Variants in OTUD7A observed in about 807,000 individuals in gnomAD.
OTUD7A encodes OTU domain-containing protein 7A.
Under a neutral mutation model 65.7 loss-of-function variants are expected in OTUD7A, and 12 were observed. The ratio of observed to expected loss-of-function variants is 0.18; its 90% CI spans 0.12 to 0.30. OTUD7A has a LOEUF of 0.30. Among genes scored for constraint, OTUD7A ranks in the 10% least tolerant of loss-of-function variants. The pLI is 1.00. For synonymous variants in OTUD7A, 641 were observed against 586.3 expected (o/e 1.09, Z -1.35); for missense variants, 1,148 against 1,304.8 (o/e 0.88, Z 1.85).
intron 1 of OTUD7A, among the ~76,000 whole-genome samples, chr15:31,683,595 A>T (rs891855167): frequency 6.6e-6 from 1 of 152,240 alleles, no homozygotes; most frequent in Non-Finnish European, 1.5e-5. Flanking sequence ...CCTGGCACAT[A>T]GCAAGTACCA....
At position 31,482,897 on chromosome 15, in the gene OTUD7A, T is replaced by C. The variant is rs1367867162; in HGVS notation, c.*397A>G. The C allele has an allele frequency of 6.7e-6, 1 of 148,928 alleles. No individual in the cohort carries two copies. Among genetic ancestry groups the C allele is most frequent in the Non-Finnish European group, 1.5e-5 (1 of 67,466 alleles). The allele number at this position is 148,928 out of a possible 1,614,324, so 9.2% of individuals were successfully genotyped here. On this transcript the variant is annotated 3_prime_UTR_variant, in exon 13 of 13. Transcript: ENST00000307050. ...CAACCGCGCACAAGGGACCGCTACC[T>C]GGAAGAGGTCATCGCTAGGGTAGGA...
At chr15:31,662,732 T>C (rs1213259701) in intron 1 of OTUD7A, among the ~76,000 whole-genome samples, 1 of 152,236 alleles carries the variant, frequency 6.6e-6, no homozygotes, top group African/African-American at 2.4e-5. Context: ...AGCTAAGAAA[T>C]ATGTTTGTTT....
chr15:31,611,327 GAAACAAAC>G (rs924438812), intron 3 of OTUD7A, among the ~76,000 whole-genome samples: 3 of 152,078 alleles, frequency 2.0e-5, no homozygotes, highest in African/African-American at 7.2e-5. Context: ...AAATGAAGCT[GAAACAAAC>G]AAACAAACAA....
intron 4 of OTUD7A, among the ~76,000 whole-genome samples, chr15:31,563,584 A>C (rs924853491): frequency 6.6e-6 from 1 of 152,120 alleles, no homozygotes; most frequent in Non-Finnish European, 1.5e-5. Context: ...TGCCTTCCCT[A>C]TCATCCCCTA....
Position 31,621,653 on chromosome 15 carries a change from T to G in OTUD7A, c.151+33443A>C, listed in dbSNP as rs1054650758. ...CTCCATCCCTTTATTTTGAGCCTAT[T>G]TGTGTCTCTGCATGTGAGATGGATT... On this transcript the variant is annotated intron_variant, in intron 3 of 12. Transcript: ENST00000307050. 5.3e-5 allele frequency among the ~76,000 whole-genome samples: 8 copies of G among 152,228 alleles called. No individual in the cohort carries two copies. In the East Asian group the frequency reaches 1.2e-3, roughly 22 times the overall value.
chr15:31,682,893 A>G (rs34872898), intron 1 of OTUD7A, among the ~76,000 whole-genome samples: 2 of 152,194 alleles, frequency 1.3e-5, no homozygotes, highest in Non-Finnish European at 2.9e-5. Context: ...GCATGTGTGT[A>G]TGAATGTATG....
chr15:31,800,799 A>AC (rs1473225592), intron 1 of OTUD7A, among the ~76,000 whole-genome samples: 3 of 151,748 alleles, frequency 2.0e-5, no homozygotes, highest in African/African-American at 7.3e-5. Context: ...TTATTCTAAG[A>AC]CCCCTCATAG....
intron 3 of OTUD7A, among the ~76,000 whole-genome samples, chr15:31,578,783 C>T (rs1335839095): frequency 1.3e-5 from 2 of 152,162 alleles, no homozygotes; most frequent in East Asian, 3.8e-4. Context: ...AACTCCTGAC[C>T]TCAGGTGATC....
chr15:31,853,653 C>A (rs1897487434), intron 1 of OTUD7A, among the ~76,000 whole-genome samples: 1 of 151,882 alleles, frequency 6.6e-6, no homozygotes, highest in Non-Finnish European at 1.5e-5. Context: ...AGAAAGGCAG[C>A]AAATGTATGA....
intron 3 of OTUD7A, among the ~76,000 whole-genome samples, chr15:31,583,079 A>G (rs974480400): frequency 6.6e-6 from 1 of 152,224 alleles, no homozygotes; most frequent in Non-Finnish European, 1.5e-5. Context: ...TTGGCAAAAT[A>G]AAGCAACAGC....
At chr15:31,831,834 G>A (rs1017650018) in intron 1 of OTUD7A, among the ~76,000 whole-genome samples, 7 of 152,348 alleles carry the variant, frequency 4.6e-5, no homozygotes, top group South Asian at 4.1e-4. Flanking sequence ...ATAAAGCAGC[G>A]GCACAGATGG....
intron 1 of OTUD7A, among the ~76,000 whole-genome samples, chr15:31,755,484 G>A (rs1190748362): frequency 2.6e-5 from 4 of 152,126 alleles, no homozygotes; most frequent in South Asian, 4.2e-4. Context: ...CACTTTGGGA[G>A]GCCGAGGTGG....
intron 1 of OTUD7A, among the ~76,000 whole-genome samples, chr15:31,666,451 T>C (rs1892323279): frequency 6.6e-6 from 1 of 152,096 alleles, no homozygotes; most frequent in Middle Eastern, 3.2e-3. Flanking sequence ...ATTTCTGTGG[T>C]GTCACATCTT....
rs1374631600 is a variant in OTUD7A at position 31,717,634 on chromosome 15, C to A, written c.-99-60557G>T. ...ATGTGCCACATTTTCTTTATCCAAT[C>A]TATCACTGATAGGCATTTGGGTTGG... On this transcript the variant is annotated intron_variant, in intron 1 of 12. Transcript: ENST00000307050. 2.0e-5 allele frequency among the ~76,000 whole-genome samples: 3 copies of A among 152,300 alleles called. No individual in the cohort carries two copies. The East Asian group carries it at 5.8e-4, about 29-fold the overall frequency.
intron 5 of OTUD7A, among the ~76,000 whole-genome samples, chr15:31,553,104 C>T (rs922693217): frequency 2.0e-5 from 3 of 152,136 alleles, no homozygotes; most frequent in East Asian, 1.9e-4. Context: ...TCAAACCCAG[C>T]GGTCAGTTTC....
intron 1 of OTUD7A, among the ~76,000 whole-genome samples, chr15:31,786,408 G>C (rs1895675835): frequency 6.6e-6 from 1 of 152,220 alleles, no homozygotes; most frequent in African/African-American, 2.4e-5. Flanking sequence ...AGGCAAAGAG[G>C]CCAGGAATGT....
At chr15:31,533,053 A>C (rs966689206) in intron 5 of OTUD7A, among the ~76,000 whole-genome samples, 3 of 151,992 alleles carry the variant, frequency 2.0e-5, no homozygotes, top group African/African-American at 7.3e-5. Context: ...AACCCTAAAC[A>C]GAAAAAAAAC....
intron 1 of OTUD7A, among the ~76,000 whole-genome samples, chr15:31,729,698 C>T (rs1893988818): frequency 6.6e-6 from 1 of 152,132 alleles, no homozygotes; most frequent in African/African-American, 2.4e-5. Flanking sequence ...ACATGCATGC[C>T]CTGAGGTCAA....
chr15:31,554,188 C>G (rs1278534922), intron 5 of OTUD7A, among the ~76,000 whole-genome samples: 1 of 152,204 alleles, frequency 6.6e-6, no homozygotes, highest in Non-Finnish European at 1.5e-5. Context: ...TTCCTAACCT[C>G]CCCAGAGTAG....
Sources: allele counts gnomAD v4.1 joint callset (sites outside exome capture counted in the v4.1 genomes callset), GRCh38; gene constraint gnomAD v4.1.1; transcripts MANE v1.5; gene names NCBI Gene and HGNC (gene_info 2026-07-23, HGNC 2026-07-21).